LRRFIP2: variants seen among roughly 807,000 people sequenced by gnomAD.
LRRFIP2 encodes the protein LRR binding FLII interacting protein 2.
Under a neutral mutation model 125.9 loss-of-function variants are expected in LRRFIP2, and 109 were observed. The observed-to-expected ratio is 0.87, with a 90% CI of 0.74 to 1.01. The LOEUF is 1.01. Among genes scored for constraint, LRRFIP2 ranks in the 50% least tolerant of loss-of-function variants. The pLI is 0.00. For missense variants in LRRFIP2, 850 were observed against 862.3 expected (o/e 0.99, Z 0.18); for synonymous variants, 291 against 293.1 (o/e 0.99, Z 0.07).
At chr3:37,102,549 A>G (rs1345909560) in intron 15 of LRRFIP2, among the ~76,000 whole-genome samples, 1 of 146,122 alleles carries the variant, frequency 6.8e-6, no homozygotes, top group African/African-American at 2.6e-5. Flanking sequence ...CCCAGGATAC[A>G]GTGCAGTGGT....
chr3:37,155,877 A>T (rs752141102), intron 1 of LRRFIP2, among the ~76,000 whole-genome samples: 2 of 152,104 alleles, frequency 1.3e-5, no homozygotes, highest in African/African-American at 4.8e-5. Flanking sequence ...ATGTTTAAAA[A>T]AAGTTTTTTT....
chr3:37,174,886 C>G (rs2096636144), upstream of LRRFIP2: 1 of 152,164 alleles, frequency 6.6e-6, no homozygotes, highest in African/African-American at 2.4e-5. Flanking sequence ...GATCTACCTT[C>G]GAAATGAATC....
chr3:37,163,155 G>C (rs956290452), intron 1 of LRRFIP2, among the ~76,000 whole-genome samples: 1 of 152,142 alleles, frequency 6.6e-6, no homozygotes, highest in Admixed American at 6.5e-5. Context: ...AAAAGATCAA[G>C]GAAGACTCTT....
intron 18 of LRRFIP2, among the ~76,000 whole-genome samples, chr3:37,087,908 C>T (rs1290181530): frequency 6.6e-6 from 1 of 152,140 alleles, no homozygotes; most frequent in Non-Finnish European, 1.5e-5. Flanking sequence ...TTCTAAGTCA[C>T]CGATTTTCAA....
chr3:37,075,597 TAA>T (rs2091910167), intron 19 of LRRFIP2, among the ~76,000 whole-genome samples: 1 of 152,120 alleles, frequency 6.6e-6, no homozygotes, highest in African/African-American at 2.4e-5. Context: ...CTTCTTGGAT[TAA>T]AAGTCTCACA....
At chr3:37,133,309 T>C (rs114636513) in intron 2 of LRRFIP2, among the ~76,000 whole-genome samples, 26 of 152,224 alleles carry the variant, frequency 1.7e-4, no homozygotes, top group Non-Finnish European at 3.5e-4. Flanking sequence ...TGGGTACATA[T>C]ACAAAAGAAC....
intron 2 of LRRFIP2, among the ~76,000 whole-genome samples, chr3:37,130,084 A>G (rs2095389081): frequency 6.6e-6 from 1 of 152,098 alleles, no homozygotes; most frequent in Admixed American, 6.6e-5. Context: ...ACATTCTCAC[A>G]CCCCAAAATG....
rs1264041384 is a variant in LRRFIP2, at chr3:37,091,526, G to T, written c.1048C>A (p.Leu350Ile). The change falls in exon 18 of 28, where the codon CTT (leucine) becomes ATT (isoleucine). Residue 350 changes from leucine to isoleucine, a missense_variant. Coordinates refer to ENST00000336686, the MANE Select transcript of LRRFIP2 (RefSeq NM_006309.4). ...TCTACATCCTGTATCTGGTCCTTAA[G>T]GTCATAGATATCCTGCAGGACATAG... is the stretch of plus-strand genomic sequence containing the variant. ...SLSELRDIYD[L>I]KDQIQDVEGR... 1.9e-6 allele frequency: 3 copies of T among 1,609,156 alleles called. No individual in the cohort carries two copies. The highest frequency in any genetic ancestry group is 2.2e-5 in the South Asian group (2 of 90,378).
intron 16 of LRRFIP2, among the ~76,000 whole-genome samples, chr3:37,096,082 C>T (rs114687390): frequency 4.7e-4 from 72 of 152,198 alleles, no homozygotes; most frequent in African/African-American, 1.4e-3. Context: ...CATATAAGTT[C>T]GCATTTGTGG....
intron 1 of LRRFIP2, among the ~76,000 whole-genome samples, chr3:37,163,900 G>T (rs2096409840): frequency 6.6e-6 from 1 of 152,192 alleles, no homozygotes; most frequent in Non-Finnish European, 1.5e-5. Flanking sequence ...TAGGATAAAT[G>T]TAACATGTAA....
rs187651840 is a variant in LRRFIP2 at position 37,055,628 on chromosome 3, C to A, written c.1871-463G>T. Among the ~76,000 whole-genome samples, 6 of 152,130 alleles carry A rather than the reference C, an allele frequency of 3.9e-5. No individual in the cohort carries two copies. The South Asian group carries it at 6.2e-4, about 16-fold the overall frequency. ...AACAACCACAGCATCTTCAGCAGCCCAGGTTCTGGACTGTATATACTACAA... is the reference window on the plus strand; with the variant it reads ...AACAACCACAGCATCTTCAGCAGCCAAGGTTCTGGACTGTATATACTACAA... On this transcript the variant is annotated intron_variant, in intron 25 of 27. Coordinates refer to ENST00000336686, the MANE Select transcript of LRRFIP2 (RefSeq NM_006309.4).
At chr3:37,090,675 C>A (rs1001087542) in intron 18 of LRRFIP2, among the ~76,000 whole-genome samples, 1 of 152,212 alleles carries the variant, frequency 6.6e-6, no homozygotes, top group East Asian at 1.9e-4. Flanking sequence ...ACCAAACTGT[C>A]TGCCTCACAC....
chr3:37,137,608 T>A (rs1219939318), intron 2 of LRRFIP2, among the ~76,000 whole-genome samples: 1 of 152,206 alleles, frequency 6.6e-6, no homozygotes, highest in Non-Finnish European at 1.5e-5. Flanking sequence ...CCATACACAG[T>A]ATCTAATAAC....
At chr3:37,163,722 T>C (rs1274637229) in intron 1 of LRRFIP2, among the ~76,000 whole-genome samples, 1 of 152,210 alleles carries the variant, frequency 6.6e-6, no homozygotes, top group African/African-American at 2.4e-5. Context: ...GTAGAGCTTT[T>C]TGGTTTTTCA....
At position 37,066,205 on chromosome 3, in the gene LRRFIP2, C is replaced by A. The variant is rs781055301; in HGVS notation, c.1566+19G>T. 1.9e-5 allele frequency: 30 copies of A among 1,602,126 alleles called. No homozygotes were observed. The highest frequency in any genetic ancestry group is 2.7e-5 in the African/African-American group (2 of 74,648). On this transcript the variant is annotated intron_variant, in intron 22 of 27. Transcript: ENST00000336686. ...GTAAAACAGTGAGGGACCTGAATTC[C>A]AGGCTAATGCTAACATACCTCTCCC...
rs539204660 is a variant in LRRFIP2, at chr3:37,151,252, G to A, written c.-55-2214C>T. Among the ~76,000 whole-genome samples the A allele has an allele frequency of 3.9e-5, 6 of 152,130 alleles. No individual in the cohort carries two copies. In the East Asian group the frequency reaches 7.8e-4, roughly 20 times the overall value. ...CACATGTCTGTAATCCCAGGTACTC[G>A]GGAGGCTGAGGGAGGAGAATCGCTT... On this transcript the variant is annotated intron_variant, in intron 1 of 27. Transcript: ENST00000336686.
intron 1 of LRRFIP2, among the ~76,000 whole-genome samples, chr3:37,164,406 A>T (rs2096423483): frequency 6.6e-6 from 1 of 152,200 alleles, no homozygotes; most frequent in South Asian, 2.1e-4. Context: ...TTTTAATAAC[A>T]TTATTTTTTA....
intron 1 of LRRFIP2, among the ~76,000 whole-genome samples, chr3:37,156,723 GA>G (rs1267604676): frequency 7.5e-6 from 1 of 132,474 alleles, no homozygotes; most frequent in East Asian, 2.1e-4. Context: ...ATGACTAGGT[GA>G]AAAAAAGGCA....
chr3:37,054,812 T>G (rs4678932), intron 26 of LRRFIP2, among the ~76,000 whole-genome samples: 49,037 of 152,118 alleles, frequency 0.32, 9,821 homozygotes, highest in Non-Finnish European at 0.45. Flanking sequence ...GGAAAAGTTC[T>G]TACACTTTTT....
Sources: gnomAD v4.1 joint callset for allele counts (sites outside exome capture counted in the v4.1 genomes callset) on GRCh38, gnomAD v4.1.1 for gene constraint, MANE v1.5 for transcripts, NCBI Gene and HGNC (gene_info 2026-07-23, HGNC 2026-07-21) for gene names.